KCNU1: variants seen among roughly 807,000 people sequenced by gnomAD.
The protein encoded by KCNU1 is potassium channel subfamily U member 1.
A neutral mutation model predicts 126.8 loss-of-function variants in KCNU1; 93 were observed. The observed-to-expected ratio is 0.73, with a 90% CI of 0.62 to 0.87. The LOEUF (loss-of-function observed/expected upper bound fraction) is 0.87, where lower values mean the gene tolerates loss of function less well. Ranked by LOEUF, KCNU1 falls within the 40% of genes least tolerant of loss-of-function variation. The pLI is 0.00. For missense variants in KCNU1, 1,330 were observed against 1,367.1 expected (o/e 0.97, Z 0.43); for synonymous variants, 523 against 494.2 (o/e 1.06, Z -0.77).
chr8:36,794,971 G>C (rs1156324603), intron 2 of KCNU1, among the ~76,000 whole-genome samples: 1 of 151,970 alleles, frequency 6.6e-6, no homozygotes, highest in South Asian at 2.1e-4. Flanking sequence ...CATAAGAAAT[G>C]AAAGTCCACC....
At chr8:36,845,471 G>A (rs1805108056) in intron 16 of KCNU1, 109 bp from the exon 17 acceptor site, 8 of 649,312 alleles carry the variant, frequency 1.2e-5, no homozygotes, top group East Asian at 7.9e-5. Context: ...GGTTGAATAC[G>A]ATTAAATTAG....
At chr8:36,895,472 T>C (rs1045831895) in intron 19 of KCNU1, among the ~76,000 whole-genome samples, 1 of 152,104 alleles carries the variant, frequency 6.6e-6, no homozygotes, top group African/African-American at 2.4e-5. Context: ...ACTAAATGAC[T>C]TCAAAACTTA....
At chr8:36,923,172 C>G (rs1239272352) in intron 24 of KCNU1, 4 of 426,736 alleles carry the variant, frequency 9.4e-6, no homozygotes, top group Non-Finnish European at 1.9e-5. Flanking sequence ...CTTTTCCATC[C>G]ATTAGGATTC....
At chr8:36,837,777 C>T (rs756247606) in intron 14 of KCNU1, among the ~76,000 whole-genome samples, 3 of 152,162 alleles carry the variant, frequency 2.0e-5, no homozygotes, top group Non-Finnish European at 2.9e-5. Context: ...GTGTGCTAGC[C>T]CTTGGCTGGA....
chr8:36,819,994 G>C (rs919658852), intron 10 of KCNU1, among the ~76,000 whole-genome samples: 2 of 152,132 alleles, frequency 1.3e-5, no homozygotes, highest in Non-Finnish European at 2.9e-5. Flanking sequence ...TTAGAGCCCT[G>C]AGTCATCATG....
chr8:36,801,560 C>A (rs564870945), intron 2 of KCNU1, among the ~76,000 whole-genome samples: 2 of 151,462 alleles, frequency 1.3e-5, no homozygotes, highest in South Asian at 2.1e-4. Flanking sequence ...TTACTTGAAC[C>A]TTTTATGGGA....
At chr8:36,785,103 A>G (rs1307890100) in intron 1 of KCNU1, among the ~76,000 whole-genome samples, 1 of 152,248 alleles carries the variant, frequency 6.6e-6, no homozygotes, top group African/African-American at 2.4e-5. Flanking sequence ...AGAGAAGCCC[A>G]TGCATACATG....
At chr8:36,823,654 T>C in intron 10 of KCNU1, among the ~76,000 whole-genome samples, 1 of 151,828 alleles carries the variant, frequency 6.6e-6, no homozygotes, top group East Asian at 1.9e-4. Context: ...ATAATAGAGG[T>C]ACCATATGAA....
chr8:36,812,397 A>G (rs943726190), intron 7 of KCNU1, among the ~76,000 whole-genome samples: 6 of 149,318 alleles, frequency 4.0e-5, no homozygotes, highest in African/African-American at 1.5e-4. Context: ...AAAAAAAAAA[A>G]GTAGTGGTAA....
chr8:36,905,005 C>T (rs912803560), intron 19 of KCNU1, among the ~76,000 whole-genome samples: 22 of 152,076 alleles, frequency 1.4e-4, no homozygotes, highest in African/African-American at 5.3e-4. Flanking sequence ...TTTTCTTATT[C>T]TCTCACAAGC....
chr8:36,922,847 T>G, intron 24 of KCNU1: 1 of 601,062 alleles, frequency 1.7e-6, no homozygotes, highest in Non-Finnish European at 2.9e-6. Context: ...CTTGAGGCCC[T>G]TGCAGCCAGA....
intron 16 of KCNU1, among the ~76,000 whole-genome samples, chr8:36,843,201 ATATT>A (rs1362554024): frequency 6.6e-6 from 1 of 152,188 alleles, no homozygotes; most frequent in East Asian, 1.9e-4. Flanking sequence ...AGAAACATGA[ATATT>A]TATTTAGCAA....
intron 14 of KCNU1, among the ~76,000 whole-genome samples, chr8:36,839,909 C>T (rs1804888679): frequency 6.6e-6 from 1 of 152,136 alleles, no homozygotes; most frequent in Non-Finnish European, 1.5e-5. Context: ...TTCACATCTC[C>T]CATTTCTCTG....
In KCNU1 at chr8:36,836,990, C is replaced by A. The variant is rs775398778; in HGVS notation, c.1518+45C>A. ...TTGATTCTTGGCTCTGTTCCTATGTCCTACATATTAAGATCAGAAATAGGA... is the reference window on the plus strand; with the variant it reads ...TTGATTCTTGGCTCTGTTCCTATGTACTACATATTAAGATCAGAAATAGGA... On this transcript the variant is annotated intron_variant, in intron 14 of 26. Coordinates refer to ENST00000399881, the MANE Select transcript of KCNU1 (RefSeq NM_001031836.3). The A allele has an allele frequency of 1.9e-6, 3 of 1,592,218 alleles. No homozygotes were observed. In the East Asian group the frequency reaches 6.7e-5, roughly 36 times the overall value.
chr8:36,893,241 T>C lies in KCNU1; in HGVS notation c.2010-12467T>C, dbSNP rs375530576. On this transcript the variant is annotated intron_variant, in intron 19 of 26. Transcript: ENST00000399881. ...CACCTGCTTCAGCCTCCCAAAGTGC[T>C]GGGATTACAGGCATGAGCCACCACA... Among the ~76,000 whole-genome samples the C allele has an allele frequency of 2.6e-3, 396 of 151,978 alleles. 15 individuals carry two copies. The South Asian group carries it at 0.079, about 30-fold the overall frequency.
At chr8:36,872,051 A>T (rs995921255) in intron 19 of KCNU1, among the ~76,000 whole-genome samples, 1 of 152,150 alleles carries the variant, frequency 6.6e-6, no homozygotes, top group African/African-American at 2.4e-5. Flanking sequence ...GAAGTAGGCA[A>T]ATCGCACTGA....
chr8:36,871,250 T>A (rs965718372), intron 19 of KCNU1, among the ~76,000 whole-genome samples: 1 of 152,128 alleles, frequency 6.6e-6, no homozygotes, highest in East Asian at 1.9e-4. Flanking sequence ...TGGCAGGGAA[T>A]ATAAGAATAA....
At chr8:36,876,324 A>G (rs1806277018) in intron 19 of KCNU1, among the ~76,000 whole-genome samples, 1 of 152,346 alleles carries the variant, frequency 6.6e-6, no homozygotes, top group African/African-American at 2.4e-5. Flanking sequence ...GCGTTAAAAA[A>G]GAAAACAGAC....
At chr8:36,886,544 T>G (rs1806711055) in intron 19 of KCNU1, among the ~76,000 whole-genome samples, 2 of 152,302 alleles carry the variant, frequency 1.3e-5, no homozygotes, top group South Asian at 4.1e-4. Flanking sequence ...GTAGGAGATT[T>G]ATGTTGAACA....
Sources: gnomAD v4.1 joint callset for allele counts (sites outside exome capture counted in the v4.1 genomes callset) on GRCh38, gnomAD v4.1.1 for gene constraint, MANE v1.5 for transcripts, NCBI Gene and HGNC (gene_info 2026-07-23, HGNC 2026-07-21) for gene names.